Variants in EXOC6B observed in about 807,000 individuals in gnomAD.
The protein encoded by EXOC6B is SEC15 homolog B.
EXOC6B carries 54 observed loss-of-function variants against 113.5 expected under a neutral mutation model. The ratio of observed to expected loss-of-function variants is 0.48; its 90% CI spans 0.38 to 0.60. The LOEUF (loss-of-function observed/expected upper bound fraction) is 0.60. Ranked by LOEUF, EXOC6B falls within the 20% of genes least tolerant of loss-of-function variation. EXOC6B has a pLI of 0.00. For missense variants in EXOC6B, 797 were observed against 977.5 expected (o/e 0.82, Z 2.46); for synonymous variants, 357 against 339.0 (o/e 1.05, Z -0.58).
At chr2:72,350,044 T>A (rs1689563921) in intron 19 of EXOC6B, among the ~76,000 whole-genome samples, 1 of 152,168 alleles carries the variant, frequency 6.6e-6, no homozygotes, top group African/African-American at 2.4e-5. Context: ...CAACTCGATA[T>A]TGGGTCCATT....
intron 1 of EXOC6B, among the ~76,000 whole-genome samples, chr2:72,772,625 G>A (rs940929246): frequency 1.7e-4 from 26 of 151,968 alleles, no homozygotes; most frequent in Admixed American, 1.3e-3. Context: ...CACACACCCA[G>A]GCAACAGGAC....
chr2:72,359,351 C>T (rs1342592134), intron 19 of EXOC6B, among the ~76,000 whole-genome samples: 1 of 152,034 alleles, frequency 6.6e-6, no homozygotes, highest in Non-Finnish European at 1.5e-5. Context: ...TTTTGCCCTT[C>T]TACCCCTTCT....
intron 6 of EXOC6B, among the ~76,000 whole-genome samples, chr2:72,697,236 T>G (rs1300351568): frequency 6.6e-6 from 1 of 152,152 alleles, no homozygotes; most frequent in African/African-American, 2.4e-5. Flanking sequence ...CTAATGAGAA[T>G]AGTACACATA....
chr2:72,195,516 A>C (rs1312262275), intron 20 of EXOC6B, among the ~76,000 whole-genome samples: 2 of 152,062 alleles, frequency 1.3e-5, no homozygotes, highest in Non-Finnish European at 2.9e-5. Flanking sequence ...ACCAGTGTTT[A>C]TTTTCTTGCA....
intron 11 of EXOC6B, among the ~76,000 whole-genome samples, chr2:72,501,629 C>A (rs997572692): frequency 6.6e-6 from 1 of 150,814 alleles, no homozygotes; most frequent in African/African-American, 2.4e-5. Flanking sequence ...TGGGTCAGCT[C>A]TTTTTAATTA....
intron 16 of EXOC6B, among the ~76,000 whole-genome samples, chr2:72,482,569 T>C (rs1375442136): frequency 6.6e-6 from 1 of 152,108 alleles, no homozygotes; most frequent in African/African-American, 2.4e-5. Flanking sequence ...ACTACACATG[T>C]TTACAATCCA....
chr2:72,623,117 A>G (rs1322280652), intron 6 of EXOC6B, among the ~76,000 whole-genome samples: 1 of 151,610 alleles, frequency 6.6e-6, no homozygotes, highest in African/African-American at 2.4e-5. Flanking sequence ...TCACTTATGT[A>G]TAGCTTTGAT....
At position 72,473,104 on chromosome 2, in the gene EXOC6B, C is replaced by T. The variant is rs369630783; in HGVS notation, c.1800+7512G>A. Among the ~76,000 whole-genome samples, 344 of 152,200 alleles carry T rather than the reference C, an allele frequency of 2.3e-3. 2 individuals are homozygous for T. The highest frequency in any genetic ancestry group is 0.02 in the Middle Eastern group (6 of 294). ...TTTGTTTTGTGGCTTAATATATGGTCTATCTTGGAGAATGTTCCTTGTGCT... is the reference window on the plus strand; with the variant it reads ...TTTGTTTTGTGGCTTAATATATGGTTTATCTTGGAGAATGTTCCTTGTGCT... On this transcript the variant is annotated intron_variant, in intron 17 of 21. Coordinates refer to ENST00000272427, the MANE Select transcript of EXOC6B (RefSeq NM_015189.3).
At chr2:72,755,474 G>A (rs909406704) in intron 1 of EXOC6B, among the ~76,000 whole-genome samples, 1 of 151,996 alleles carries the variant, frequency 6.6e-6, no homozygotes, top group Non-Finnish European at 1.5e-5. Context: ...GTGACAAAGA[G>A]CCAAAGCAGT....
At chr2:72,656,179 T>C (rs1414407109) in intron 6 of EXOC6B, among the ~76,000 whole-genome samples, 1 of 152,054 alleles carries the variant, frequency 6.6e-6, no homozygotes, top group Non-Finnish European at 1.5e-5. Context: ...ATGATGGTTA[T>C]AACAGTATGC....
At chr2:72,436,973 G>A (rs1330435240) in intron 18 of EXOC6B, among the ~76,000 whole-genome samples, 1 of 152,168 alleles carries the variant, frequency 6.6e-6, no homozygotes, top group African/African-American at 2.4e-5. Flanking sequence ...CTTTGGAGGA[G>A]AAGAGGCATT....
At chr2:72,218,326 GC>G (rs1265715948) in intron 20 of EXOC6B, among the ~76,000 whole-genome samples, 1 of 152,140 alleles carries the variant, frequency 6.6e-6, no homozygotes, top group Non-Finnish European at 1.5e-5. Flanking sequence ...TTACAGTTTA[GC>G]ATTTATGCAT....
chr2:72,645,609 A>T (rs1287460724), intron 6 of EXOC6B, among the ~76,000 whole-genome samples: 1 of 152,242 alleles, frequency 6.6e-6, no homozygotes, highest in Non-Finnish European at 1.5e-5. Context: ...CCACAGCGCA[A>T]TCAAATTACA....
At chr2:72,405,737 A>C (rs1277760997) in intron 18 of EXOC6B, among the ~76,000 whole-genome samples, 2 of 152,244 alleles carry the variant, frequency 1.3e-5, no homozygotes, top group East Asian at 3.8e-4. Context: ...AGTACCAGCC[A>C]CTGCAAAAAC....
intron 17 of EXOC6B, among the ~76,000 whole-genome samples, chr2:72,469,617 G>A (rs1698271548): frequency 6.6e-6 from 1 of 151,538 alleles, no homozygotes; most frequent in African/African-American, 2.4e-5. Flanking sequence ...CTCATTTCTG[G>A]TTTAGTTTCA....
intron 6 of EXOC6B, among the ~76,000 whole-genome samples, chr2:72,715,346 T>C (rs537063125): frequency 3.6e-4 from 55 of 151,560 alleles, no homozygotes; most frequent in African/African-American, 1.3e-3. Flanking sequence ...TATAGATATA[T>C]AGATATAAAG....
chr2:72,626,218 A>T (rs566764386), intron 6 of EXOC6B, among the ~76,000 whole-genome samples: 2 of 152,304 alleles, frequency 1.3e-5, no homozygotes, highest in African/African-American at 4.8e-5. Context: ...ACATTCAACA[A>T]TAGAAGTGAA....
chr2:72,279,827 A>C (rs1186052478), intron 20 of EXOC6B, among the ~76,000 whole-genome samples: 1 of 151,844 alleles, frequency 6.6e-6, no homozygotes. Flanking sequence ...TTTTTTTAAG[A>C]GACAGGGTTT....
chr2:72,596,610 C>A (rs571161937), intron 6 of EXOC6B, among the ~76,000 whole-genome samples: 15 of 152,012 alleles, frequency 9.9e-5, no homozygotes, highest in Non-Finnish European at 1.9e-4. Context: ...AAAGAAAGGT[C>A]AAGAAACTCT....
Sources: allele counts gnomAD v4.1 joint callset (sites outside exome capture counted in the v4.1 genomes callset), GRCh38; gene constraint gnomAD v4.1.1; transcripts MANE v1.5; gene names NCBI Gene and HGNC (gene_info 2026-07-23, HGNC 2026-07-21).